Variants in ARMC9 observed in about 807,000 individuals in gnomAD.
The protein encoded by ARMC9 is lisH domain-containing protein ARMC9.
In ARMC9, 94 loss-of-function variants were observed where a neutral mutation model predicts 107.0. The observed-to-expected ratio is 0.88, with a 90% CI of 0.74 to 1.04. The LOEUF is 1.04. Among genes scored for constraint, ARMC9 ranks in the 50% least tolerant of loss-of-function variants. ARMC9 has a pLI of 0.00. For missense variants in ARMC9, 942 were observed against 1,030.1 expected (o/e 0.91, Z 1.17); for synonymous variants, 380 against 396.9 (o/e 0.96, Z 0.51).
At chr2:231,352,446 C>T (rs915640110) in intron 21 of ARMC9, among the ~76,000 whole-genome samples, 17 of 151,850 alleles carry the variant, frequency 1.1e-4, no homozygotes, top group Admixed American at 7.2e-4. Flanking sequence ...ATTACAGGCG[C>T]CTGCCACCAC....
intron 2 of ARMC9, 111 bp downstream of exon 2, chr2:231,206,400 T>TG (rs2031997593): frequency 3.3e-6 from 3 of 904,234 alleles, no homozygotes; most frequent in African/African-American, 3.5e-5. Context: ...ATTGTTATGT[T>TG]GGAGCTATTT....
chr2:231,336,563 T>A (rs944865841), intron 20 of ARMC9, among the ~76,000 whole-genome samples: 3 of 152,218 alleles, frequency 2.0e-5, no homozygotes, highest in Non-Finnish European at 4.4e-5. Context: ...AATAACTATA[T>A]GATCTATGTT....
rs529046194 is a variant in ARMC9, at chr2:231,304,712, T to A, written c.1773+8459T>A. Among the ~76,000 whole-genome samples the A allele has an allele frequency of 7.2e-5, 11 of 152,310 alleles. No homozygotes were observed. In the East Asian group the frequency reaches 1.7e-3, roughly 24 times the overall value. ...GTGCCCAGCCCCAAATGTTGATACA[T>A]TTTATTATATAACATAAGAAATTGT... On this transcript the variant is annotated intron_variant, in intron 19 of 24. Transcript: ENST00000611582.
intron 9 of ARMC9, among the ~76,000 whole-genome samples, chr2:231,248,305 T>C (rs538996044): frequency 6.6e-6 from 1 of 152,286 alleles, no homozygotes; most frequent in South Asian, 2.1e-4. Flanking sequence ...TCCTAACTGG[T>C]CTTAAAGCTC....
chr2:231,281,280 A>G (rs1292224090), intron 16 of ARMC9, among the ~76,000 whole-genome samples: 2 of 152,138 alleles, frequency 1.3e-5, no homozygotes, highest in Non-Finnish European at 2.9e-5. Flanking sequence ...GTCTGGGCTT[A>G]GTTTTCAAGG....
chr2:231,296,356 C>G, intron 19 of ARMC9, 103 bp downstream of exon 19: 1 of 1,025,254 alleles, frequency 9.8e-7, no homozygotes, highest in Non-Finnish European at 1.5e-6. Flanking sequence ...TTCATTCCTG[C>G]TACACTATTT....
intron 18 of ARMC9, 87 bp from the exon 19 acceptor site, chr2:231,296,110 GT>G: frequency 2.1e-6 from 2 of 953,896 alleles, no homozygotes; most frequent in Non-Finnish European, 3.2e-6. Context: ...TCATTAAGGT[GT>G]TTATGTCTCT....
At chr2:231,239,218 T>A (rs1559335606) in intron 8 of ARMC9, among the ~76,000 whole-genome samples, 2 of 152,118 alleles carry the variant, frequency 1.3e-5, no homozygotes, top group Admixed American at 6.5e-5. Context: ...ATTATTTTTT[T>A]AAAAAGAAAA....
intron 18 of ARMC9, among the ~76,000 whole-genome samples, chr2:231,292,146 C>A (rs1559416284): frequency 7.1e-6 from 1 of 140,976 alleles, no homozygotes; most frequent in Non-Finnish European, 1.5e-5. Flanking sequence ...CCAGCCTGGG[C>A]GACAGAGCGA....
intron 18 of ARMC9, chr2:231,295,398 G>C (rs1169603305): frequency 6.6e-6 from 1 of 152,370 alleles, no homozygotes; most frequent in Non-Finnish European, 1.5e-5. Context: ...GGGAGGAAGA[G>C]ATGGCTGCTG....
Position 231,371,638 on chromosome 2 carries a change from A to G in ARMC9, c.*103A>G. 1 of 1,142,146 alleles carries G rather than the reference A, an allele frequency of 8.8e-7. No homozygotes were observed. Among genetic ancestry groups the G allele is most frequent in the Non-Finnish European group, 1.1e-6 (1 of 905,720 alleles). 70.8% of individuals were successfully genotyped at this position (1,142,146 alleles called of 1,614,324 possible). A position where few individuals can be genotyped will look rare whatever the true frequency, so the allele number is the denominator to read the frequency against. On this transcript the variant is annotated 3_prime_UTR_variant, in exon 25 of 25. Transcript: ENST00000611582. ...GATGGATGTGAAGGGACAGTTGTCC[A>G]CAAGACTCTGGGAGCTGAGGGGAGG...
rs539071524 is a variant in ARMC9, at chr2:231,256,682, A to G, written c.914+62A>G. 1.7e-5 allele frequency: 26 copies of G among 1,558,922 alleles called. No homozygotes were observed. In the African/African-American group the frequency reaches 2.6e-4, roughly 15 times the overall value. Reference sequence around the variant, plus strand: ...ACAGCAATGTGTAAAACGGGAATTCAAAGTGTCTTTAATAAACACTTAGCA... The same window carrying G: ...ACAGCAATGTGTAAAACGGGAATTCGAAGTGTCTTTAATAAACACTTAGCA... On this transcript the variant is annotated intron_variant, in intron 10 of 24. Coordinates refer to ENST00000611582, the MANE Select transcript of ARMC9 (RefSeq NM_001352754.2).
intron 19 of ARMC9, among the ~76,000 whole-genome samples, chr2:231,323,066 G>A (rs529977210): frequency 2.6e-5 from 4 of 152,294 alleles, no homozygotes; most frequent in Admixed American, 6.5e-5. Flanking sequence ...GCTCATGCCT[G>A]TAATCCCAGC....
chr2:231,236,250 G>GT (rs2035703822), intron 8 of ARMC9, among the ~76,000 whole-genome samples: 1 of 152,128 alleles, frequency 6.6e-6, no homozygotes, highest in Non-Finnish European at 1.5e-5. Context: ...TTAATCTTGG[G>GT]TTTTTTGATT....
intron 21 of ARMC9, among the ~76,000 whole-genome samples, chr2:231,345,413 C>T (rs1276654080): frequency 6.6e-6 from 1 of 152,196 alleles, no homozygotes; most frequent in Non-Finnish European, 1.5e-5. Flanking sequence ...CGTGCCTTTT[C>T]TGTGGCCTCT....
intron 23 of ARMC9, among the ~76,000 whole-genome samples, chr2:231,364,567 C>T (rs1575192046): frequency 6.6e-6 from 1 of 152,142 alleles, no homozygotes; most frequent in Admixed American, 6.5e-5. Context: ...GAGGCCGAGG[C>T]GGGCGGATCA....
In ARMC9 at chr2:231,204,680, G is replaced by A. The variant is rs1009565159; in HGVS notation, c.-41-1518G>A. On this transcript the variant is annotated intron_variant, in intron 1 of 24. Transcript: ENST00000611582. ...AGTACAAAGGGCTGAGAAGTGATGG[G>A]CCGACCTCTTAGAAAGGGTGGTCAG... Among the ~76,000 whole-genome samples the A allele has an allele frequency of 2.6e-5, 4 of 152,078 alleles. No homozygotes were observed. In the East Asian group the frequency reaches 7.8e-4, roughly 30 times the overall value.
intron 19 of ARMC9, among the ~76,000 whole-genome samples, chr2:231,318,987 A>G (rs2042857978): frequency 6.6e-6 from 1 of 152,120 alleles, no homozygotes; most frequent in South Asian, 2.1e-4. Context: ...GCAAGTGGCA[A>G]GGTCCTGAGG....
chr2:231,328,722 C>T (rs772643894), intron 19 of ARMC9, among the ~76,000 whole-genome samples: 4 of 151,908 alleles, frequency 2.6e-5, no homozygotes, highest in South Asian at 2.1e-4. Flanking sequence ...ACAATCTGGA[C>T]TACTAAGCTT....
Sources: gnomAD v4.1 joint callset for allele counts (sites outside exome capture counted in the v4.1 genomes callset) on GRCh38, gnomAD v4.1.1 for gene constraint, MANE v1.5 for transcripts, NCBI Gene and HGNC (gene_info 2026-07-23, HGNC 2026-07-21) for gene names.